The following OLFM4 variants were observed in gnomAD, a reference collection of about 807,000 sequenced individuals.
OLFM4 encodes the protein olfactomedin-4.
In OLFM4, 22 loss-of-function variants were observed where a neutral mutation model predicts 25.5. The ratio of observed to expected loss-of-function variants is 0.86; its 90% confidence interval spans 0.62 to 1.23. OLFM4 has a LOEUF of 1.23. Ranked by LOEUF, OLFM4 falls within the 50% of genes most tolerant of loss-of-function variation. OLFM4 has a pLI of 0.00. For synonymous variants in OLFM4, 255 were observed against 237.7 expected (o/e 1.07, Z -0.67); for missense variants, 594 against 619.4 (o/e 0.96, Z 0.44).
At position 53,050,194 on chromosome 13, in the gene OLFM4, G is replaced by C. The variant is rs144683972; in HGVS notation, c.956G>C (p.Arg319Pro). The change falls in exon 5 of 5, where the codon CGA (arginine) becomes CCA (proline). Residue 319 changes from arginine (R) to proline (P), a missense_variant. Arg to Pro is a moderately radical substitution (Grantham distance 103). Transcript: ENST00000219022. Reference protein sequence around the residue: ...LDDLLLYINARELRITYGQGS... With the variant: ...LDDLLLYINAPELRITYGQGS... ...GATTTGCTATTGTATATAAATGCTC[G>C]AGAGTTGCGGATCACCTATGGCCAA... is the stretch of plus-strand genomic sequence containing the variant. The C allele has an allele frequency of 6.2e-7, 1 of 1,613,948 alleles. No homozygotes were observed. Among genetic ancestry groups the C allele is most frequent in the Non-Finnish European group, 8.5e-7 (1 of 1,179,954 alleles).
In OLFM4 at chr13:53,050,976, T is replaced by G. The variant is rs892783288; in HGVS notation, c.*205T>G. The G allele has an allele frequency of 1.3e-5, 7 of 543,936 alleles. No homozygotes were observed. Among genetic ancestry groups the G allele is most frequent in the African/African-American group, 1.9e-5 (1 of 52,386 alleles). 33.7% of individuals were successfully genotyped at this position (543,936 alleles called of 1,614,324 possible). Reference sequence around the variant, plus strand: ...ATCATCTGCCTCTTCAGGCGCATTTTGCAATAAAGTCTGTCTAGGGTGGGA... The same window carrying G: ...ATCATCTGCCTCTTCAGGCGCATTTGGCAATAAAGTCTGTCTAGGGTGGGA... On this transcript the variant is annotated 3_prime_UTR_variant, in exon 5 of 5. Transcript: ENST00000219022.
intron 4 of OLFM4, among the ~76,000 whole-genome samples, chr13:53,045,917 TA>T (rs1954713302): frequency 6.6e-6 from 1 of 152,164 alleles, no homozygotes; most frequent in African/African-American, 2.4e-5. Context: ...AATGACTGTA[TA>T]TAGGCCAAAT....
Position 53,028,932 on chromosome 13 carries a change from C to T in OLFM4, c.96C>T (p.Pro32=), listed in dbSNP as rs140749392. ...ATGTGGGACCTCCAATTCCCAGCCC[C>T]GGCTTCAGCTCTTTCCCAGGTGTTG... ...LGDVGPPIPS[P]GFSSFPGVDS... is the part of the protein sequence containing the mutation. The change falls in exon 1 of 5, where the codon CCC becomes CCT. Residue 32 remains proline, a synonymous_variant. Transcript: ENST00000219022. The T allele has an allele frequency of 3.7e-5, 60 of 1,614,116 alleles. No homozygotes were observed. The highest frequency in any genetic ancestry group is 2.7e-4 in the African/African-American group (20 of 74,922).
chr13:53,038,122 A>G (rs1954668686), intron 2 of OLFM4, among the ~76,000 whole-genome samples: 1 of 152,182 alleles, frequency 6.6e-6, no homozygotes. Context: ...GCTTCGAGAT[A>G]AAGATGTTGA....
intron 4 of OLFM4, among the ~76,000 whole-genome samples, chr13:53,049,580 T>A (rs1211959275): frequency 6.6e-6 from 1 of 152,174 alleles, no homozygotes; most frequent in East Asian, 1.9e-4. Flanking sequence ...TTGATTTTGC[T>A]ATAAGAAAAA....
At chr13:53,030,509 G>C (rs1005554627) in intron 1 of OLFM4, among the ~76,000 whole-genome samples, 2 of 152,108 alleles carry the variant, frequency 1.3e-5, no homozygotes, top group East Asian at 1.9e-4. Context: ...CACCATGTTG[G>C]TCAGGCTGGT....
intron 1 of OLFM4, among the ~76,000 whole-genome samples, chr13:53,029,358 TA>T (rs965092721): frequency 2.6e-5 from 4 of 152,062 alleles, no homozygotes; most frequent in African/African-American, 7.2e-5. Flanking sequence ...GTTCTGTACT[TA>T]AAAAAATCCT....
intron 1 of OLFM4, among the ~76,000 whole-genome samples, chr13:53,030,444 A>G (rs567837676): frequency 6.6e-6 from 1 of 152,268 alleles, no homozygotes; most frequent in Non-Finnish European, 1.5e-5. Flanking sequence ...CTGGGATTAC[A>G]GGCACCCGCC....
rs1593483614 is a variant in OLFM4 at position 53,050,045 on chromosome 13, T to C, written c.807T>C (p.Tyr269=). 2 of 1,614,046 alleles carry C rather than the reference T, an allele frequency of 1.2e-6. No individual in the cohort carries two copies. The highest frequency in any genetic ancestry group is 1.7e-6 in the Non-Finnish European group (2 of 1,179,920). ...VVQLNWRGFS[Y]LYGAWGRDYS... ...AGCTCAACTGGAGAGGGTTTTCTTA[T>C]CTATATGGTGCTTGGGGTAGGGATT... The change falls in exon 5 of 5, where the codon TAT becomes TAC. Residue 269 remains tyrosine, a synonymous_variant. Coordinates refer to ENST00000219022, the MANE Select transcript of OLFM4 (RefSeq NM_006418.5).
At chr13:53,034,052 G>A (rs1294135315) in intron 1 of OLFM4, among the ~76,000 whole-genome samples, 6 of 108,784 alleles carry the variant, frequency 5.5e-5, no homozygotes, top group Non-Finnish European at 1.0e-4. Context: ...GTGAGACTCC[G>A]TCTCAAAAAA....
At chr13:53,031,586 G>A (rs1954629061) in intron 1 of OLFM4, among the ~76,000 whole-genome samples, 1 of 152,142 alleles carries the variant, frequency 6.6e-6, no homozygotes. Context: ...AGAGTAACTG[G>A]TATAGTTGGA....
intron 1 of OLFM4, among the ~76,000 whole-genome samples, chr13:53,034,056 CAAAAAAAAAAAAAAAA>C (rs397851637): frequency 2.4e-5 from 1 of 41,068 alleles, no homozygotes. Flanking sequence ...GACTCCGTCT[CAAAAAAAAAAAAAAAA>C]AAAAAAAAAG....
Position 53,028,933 on chromosome 13 carries a change from G to C in OLFM4, c.97G>C (p.Gly33Arg). Residue 33 changes from glycine (G) to arginine (R), a missense_variant, in exon 1 of 5, where the codon GGC becomes CGC. Gly to Arg is a moderately radical substitution (Grantham distance 125). Coordinates refer to ENST00000219022, the MANE Select transcript of OLFM4 (RefSeq NM_006418.5). Reference protein sequence around the residue: ...GDVGPPIPSPGFSSFPGVDSS... With the variant: ...GDVGPPIPSPRFSSFPGVDSS... Reference sequence around the variant, plus strand: ...TGTGGGACCTCCAATTCCCAGCCCCGGCTTCAGCTCTTTCCCAGGTGTTGA... The same window carrying C: ...TGTGGGACCTCCAATTCCCAGCCCCCGCTTCAGCTCTTTCCCAGGTGTTGA... 1 of 1,614,208 alleles carries C rather than the reference G, an allele frequency of 6.2e-7. No individual in the cohort carries two copies. Among genetic ancestry groups the C allele is most frequent in the Non-Finnish European group, 8.5e-7 (1 of 1,180,036 alleles).
Position 53,050,873 on chromosome 13 carries a change from G to A in OLFM4, c.*102G>A. ...GGGTGTCTAAAAGTGTGTTCATTTT[G>A]CAGCAATGTTTAGGTGCATAGTTCT... is the stretch of plus-strand genomic sequence containing the variant. On this transcript the variant is annotated 3_prime_UTR_variant, in exon 5 of 5. Coordinates refer to ENST00000219022, the MANE Select transcript of OLFM4 (RefSeq NM_006418.5). 9.9e-7 allele frequency: 1 copy of A among 1,015,094 alleles called. No individual in the cohort carries two copies. Among genetic ancestry groups the A allele is most frequent in the Non-Finnish European group, 1.4e-6 (1 of 702,462 alleles). The allele number at this position is 1,015,094 out of a possible 1,614,324, so 62.9% of individuals were successfully genotyped here.
intron 4 of OLFM4, among the ~76,000 whole-genome samples, 160 bp downstream of exon 4, chr13:53,043,424 C>T (rs1192592596): frequency 5.1e-5 from 7 of 137,494 alleles, no homozygotes; most frequent in Admixed American, 7.5e-5. Context: ...TTTTAAAATT[C>T]CCTTCCTCCC....
At position 53,050,034 on chromosome 13, in the gene OLFM4, G is replaced by A. The variant is rs1297028800; in HGVS notation, c.796G>A (p.Gly266Arg). 6.2e-7 allele frequency: 1 copy of A among 1,613,780 alleles called. No individual in the cohort carries two copies. Among genetic ancestry groups the A allele is most frequent in the Non-Finnish European group, 8.5e-7 (1 of 1,179,738 alleles). ...GTCTGTGGTTCAGCTCAACTGGAGA[G>A]GGTTTTCTTATCTATATGGTGCTTG... ...KPSVVQLNWR[G>R]FSYLYGAWGR... Residue 266 changes from glycine (G) to arginine (R), a missense_variant, in exon 5 of 5, where the codon GGG becomes AGG. By Grantham distance (125) the Gly-to-Arg change is moderately radical. Transcript: ENST00000219022.
At chr13:53,035,683 A>C (rs1954654845) in intron 2 of OLFM4, among the ~76,000 whole-genome samples, 1 of 152,176 alleles carries the variant, frequency 6.6e-6, no homozygotes, top group Non-Finnish European at 1.5e-5. Context: ...GTCCAATATT[A>C]GACAAAAATT....
At chr13:53,033,562 C>T (rs879492212) in intron 1 of OLFM4, among the ~76,000 whole-genome samples, 3 of 152,188 alleles carry the variant, frequency 2.0e-5, no homozygotes, top group Non-Finnish European at 4.4e-5. Context: ...AGATCACCTA[C>T]TCTGTGCCAG....
chr13:53,036,110 C>G (rs527562957), intron 2 of OLFM4, among the ~76,000 whole-genome samples: 21 of 152,306 alleles, frequency 1.4e-4, no homozygotes, highest in African/African-American at 5.1e-4. Flanking sequence ...TGAGACCCTA[C>G]TTTCAGCCTG....
Sources: gnomAD v4.1 joint callset for allele counts (sites outside exome capture counted in the v4.1 genomes callset) on GRCh38, gnomAD v4.1.1 for gene constraint, MANE v1.5 for transcripts, NCBI Gene and HGNC (gene_info 2026-07-23, HGNC 2026-07-21) for gene names.